The following LRPPRC variants were observed in gnomAD, a reference collection of about 807,000 sequenced individuals.
LRPPRC encodes the protein leucine rich pentatricopeptide repeat containing, also known as leucine-rich PPR motif-containing protein, mitochondrial.
LRPPRC carries 120 observed loss-of-function variants against 180.3 expected under a neutral mutation model. That is an observed-to-expected ratio of 0.67 (90% CI 0.57 to 0.77). The LOEUF (loss-of-function observed/expected upper bound fraction) is 0.77, where lower values mean the gene tolerates loss of function less well. Among genes scored for constraint, LRPPRC ranks in the 30% least tolerant of loss-of-function variants. The pLI, the probability that LRPPRC is intolerant of heterozygous loss-of-function variation, is 0.00. For missense variants in LRPPRC, 2,012 were observed against 1,657.2 expected (o/e 1.21, Z -3.72); for synonymous variants, 723 against 600.0 (o/e 1.21, Z -3.00).
At chr2:43,942,208 T>A (rs539768483) in intron 23 of LRPPRC, among the ~76,000 whole-genome samples, 1 of 152,316 alleles carries the variant, frequency 6.6e-6, no homozygotes, top group South Asian at 2.1e-4. Context: ...GGCCTCATTT[T>A]CATTGTTAAT....
At position 43,910,740 on chromosome 2, in the gene LRPPRC, T is replaced by C. The variant is rs115615970; in HGVS notation, c.3275+1692A>G. 1.3e-3 allele frequency among the ~76,000 whole-genome samples: 198 copies of C among 152,262 alleles called. 1 individual carries two copies. Among genetic ancestry groups the C allele is most frequent in the African/African-American group, 4.6e-3 (190 of 41,542 alleles). ...CACCAAATTGGCTGAATCAGAATCT[T>C]TGTGGTGAGCTGAGAGGAATCTTCT... On this transcript the variant is annotated intron_variant, in intron 30 of 37. Coordinates refer to ENST00000260665, the MANE Select transcript of LRPPRC (RefSeq NM_133259.4).
chr2:43,956,483 G>C (rs1452029951), intron 14 of LRPPRC, among the ~76,000 whole-genome samples: 1 of 146,942 alleles, frequency 6.8e-6, no homozygotes, highest in Non-Finnish European at 1.5e-5. Context: ...AAAAACGTGT[G>C]TGTGTGTGTG....
At chr2:43,977,981 G>C (rs1211595168) in intron 3 of LRPPRC, among the ~76,000 whole-genome samples, 4 of 152,090 alleles carry the variant, frequency 2.6e-5, no homozygotes, top group Non-Finnish European at 5.9e-5. Context: ...GTTAGTATCT[G>C]GGGGTGAGAG....
rs765798112 is a variant in LRPPRC, at chr2:43,974,687, G to A, written c.936C>T (p.Phe312=). ...CATACTGAGGATACCCAGCTTTACTGAAGCTAAAAATAATTTGCAGTAAAT... is the reference window on the plus strand; with the variant it reads ...CATACTGAGGATACCCAGCTTTACTAAAGCTAAAAATAATTTGCAGTAAAT... The part of the protein sequence containing the change: ...DRDLLQIIFS[F]SKAGYPQYVS... Residue 312 remains phenylalanine, a synonymous_variant, in exon 8 of 38, where the codon TTC becomes TTT. Coordinates refer to ENST00000260665, the MANE Select transcript of LRPPRC (RefSeq NM_133259.4). The A allele has an allele frequency of 4.0e-5, 65 of 1,612,334 alleles. No homozygotes were observed. Among genetic ancestry groups the A allele is most frequent in the Non-Finnish European group, 5.4e-5 (64 of 1,178,648 alleles).
intron 36 of LRPPRC, 63 bp downstream of exon 36, chr2:43,894,482 T>C: frequency 1.2e-6 from 1 of 826,470 alleles, no homozygotes; most frequent in South Asian, 1.4e-5. Context: ...ATTTACATGA[T>C]ATAGTCACTT....
intron 13 of LRPPRC, among the ~76,000 whole-genome samples, chr2:43,958,704 C>G (rs2103654482): frequency 6.6e-6 from 1 of 152,316 alleles, no homozygotes; most frequent in Non-Finnish European, 1.5e-5. Context: ...TTCTCTACTA[C>G]TCCAAAACTT....
intron 1 of LRPPRC, among the ~76,000 whole-genome samples, chr2:43,982,988 G>A (rs1233029405): frequency 8.6e-5 from 13 of 151,700 alleles, no homozygotes; most frequent in Non-Finnish European, 1.5e-4. Context: ...TCTAAATAAA[G>A]TTGAAACACT....
rs1447149323 is a variant in LRPPRC at position 43,905,558 on chromosome 2, TC to T, written c.3364+133del. ...ATGCATGTACAGTAATTTATGTCTCTCAGCTACCACAAAAGGCTCTTGATAA... is the reference window on the plus strand; with the variant it reads ...ATGCATGTACAGTAATTTATGTCTCTAGCTACCACAAAAGGCTCTTGATAA... On this transcript the variant is annotated intron_variant, in intron 31 of 37. Coordinates refer to ENST00000260665, the MANE Select transcript of LRPPRC (RefSeq NM_133259.4). 5.4e-6 allele frequency: 4 copies of T among 744,212 alleles called. No homozygotes were observed. The African/African-American group carries it at 6.8e-5, about 13-fold the overall frequency. 46.1% of individuals were successfully genotyped at this position (744,212 alleles called of 1,614,324 possible).
chr2:43,932,475 C>T (rs1672126763), intron 25 of LRPPRC, among the ~76,000 whole-genome samples: 2 of 152,246 alleles, frequency 1.3e-5, no homozygotes, highest in South Asian at 4.1e-4. Context: ...ATTTTGTACA[C>T]ACCTACTACG....
chr2:43,965,982 C>T (rs573877527), intron 11 of LRPPRC, among the ~76,000 whole-genome samples: 1 of 152,212 alleles, frequency 6.6e-6, no homozygotes, highest in Admixed American at 6.5e-5. Context: ...GAGCATATGT[C>T]CAAAGGAAAT....
rs1326885371 is a variant in LRPPRC, at chr2:43,888,161, T to C, written c.*439A>G. 9.9e-6 allele frequency: 2 copies of C among 201,048 alleles called. No homozygotes were observed. The highest frequency in any genetic ancestry group is 2.0e-5 in the Non-Finnish European group (2 of 98,638). The allele number at this position is 201,048 out of a possible 1,614,324, so 12.5% of individuals were successfully genotyped here. On this transcript the variant is annotated 3_prime_UTR_variant, in exon 38 of 38. Coordinates refer to ENST00000260665, the MANE Select transcript of LRPPRC (RefSeq NM_133259.4). ...ACAAAGTTCGAAAGTTATGCAGGACTTCACACATGTACGGAATGGCTGTAT... is the reference window on the plus strand; with the variant it reads ...ACAAAGTTCGAAAGTTATGCAGGACCTCACACATGTACGGAATGGCTGTAT...
Position 43,943,730 on chromosome 2 carries a change from A to G in LRPPRC, c.2461T>C (p.Ser821Pro), listed in dbSNP as rs1246371592. 3.1e-6 allele frequency: 5 copies of G among 1,613,386 alleles called. No individual in the cohort carries two copies. The highest frequency in any genetic ancestry group is 4.2e-6 in the Non-Finnish European group (5 of 1,179,460). The change falls in exon 23 of 38, where the codon TCC (serine) becomes CCC (proline). Residue 821 changes from serine (S) to proline (P), a missense_variant. By Grantham distance (74) the Ser-to-Pro change is moderately conservative (BLOSUM62 -1). Coordinates refer to ENST00000260665, the MANE Select transcript of LRPPRC (RefSeq NM_133259.4). Reference protein sequence around the residue: ...AIVTLGLAEPSTNISFPLVTV... With the variant: ...AIVTLGLAEPPTNISFPLVTV... Reference sequence around the variant, plus strand: ...ACCAATGGGAAACTTATGTTGGTGGATGGTTCTGCTAACCCTAGAGTCACG... The same window carrying G: ...ACCAATGGGAAACTTATGTTGGTGGGTGGTTCTGCTAACCCTAGAGTCACG...
intron 1 of LRPPRC, among the ~76,000 whole-genome samples, chr2:43,987,491 C>CAA (rs34151335): frequency 0.012 from 896 of 75,102 alleles, 23 homozygotes; most frequent in African/African-American, 0.019. Flanking sequence ...CCAGACTCCT[C>CAA]AAAAAAAAAA....
In LRPPRC at chr2:43,887,404, A is replaced by T. The variant is rs1009195006; in HGVS notation, c.*1196T>A. The T allele has an allele frequency of 1.3e-5, 2 of 152,224 alleles. No homozygotes were observed. The highest frequency in any genetic ancestry group is 1.5e-5 in the Non-Finnish European group (1 of 68,102). 9.4% of individuals were successfully genotyped at this position (152,224 alleles called of 1,614,324 possible). A position where few individuals can be genotyped will look rare whatever the true frequency, so the allele number is the denominator to read the frequency against. ...TCTGCGGGCAGGTAGCAGATGCAGG[A>T]GAGAGAGTTCCACAAGACAGAAGGT... is the stretch of plus-strand genomic sequence containing the variant. On this transcript the variant is annotated 3_prime_UTR_variant, in exon 38 of 38. Transcript: ENST00000260665.
At chr2:43,911,786 C>T (rs1671270590) in intron 30 of LRPPRC, among the ~76,000 whole-genome samples, 1 of 151,928 alleles carries the variant, frequency 6.6e-6, no homozygotes, top group Admixed American at 6.6e-5. Context: ...CTCAGCCTCC[C>T]AAACTTGTGG....
chr2:43,910,481 C>T (rs940619051), intron 30 of LRPPRC, among the ~76,000 whole-genome samples: 5 of 152,124 alleles, frequency 3.3e-5, no homozygotes, highest in African/African-American at 7.2e-5. Context: ...GGGATCCTTC[C>T]GCCTTGGCCT....
intron 25 of LRPPRC, among the ~76,000 whole-genome samples, chr2:43,932,877 T>TC (rs1672140248): frequency 6.6e-6 from 1 of 152,158 alleles, no homozygotes. Flanking sequence ...CTATTACACC[T>TC]TACTACACAA....
chr2:43,974,541 G>A (rs1673962979), intron 8 of LRPPRC, 73 bp downstream of exon 8: 7 of 1,110,198 alleles, frequency 6.3e-6, no homozygotes, highest in Non-Finnish European at 9.3e-6. Flanking sequence ...GTTAGAAAAT[G>A]TCCTTTCCAT....
At chr2:43,995,716 C>G in intron 1 of LRPPRC, 83 bp downstream of exon 1, 1 of 1,258,270 alleles carries the variant, frequency 7.9e-7, no homozygotes, top group Non-Finnish European at 1.0e-6. Flanking sequence ...CGAGCACAGG[C>G]AGGACCCGGT....
Sources: allele counts gnomAD v4.1 joint callset (sites outside exome capture counted in the v4.1 genomes callset), GRCh38; gene constraint gnomAD v4.1.1; transcripts MANE v1.5; gene names NCBI Gene and HGNC (gene_info 2026-07-23, HGNC 2026-07-21).